The following PCDHA2 variants were observed in gnomAD, a reference collection of about 807,000 sequenced individuals.
PCDHA2 encodes protocadherin alpha 2.
A neutral mutation model predicts 66.0 loss-of-function variants in PCDHA2; 58 were observed. That is an observed-to-expected ratio of 0.88 (90% confidence interval 0.71 to 1.09). PCDHA2 has a LOEUF of 1.09. Ranked by LOEUF, PCDHA2 falls within the 50% of genes least tolerant of loss-of-function variation. The pLI, the probability that PCDHA2 is intolerant of heterozygous loss-of-function variation, is 0.00. For missense variants in PCDHA2, 1,267 were observed against 1,242.3 expected, an observed-to-expected ratio of 1.02 and a Z score of -0.30; for synonymous variants, 634 against 554.0, an observed-to-expected ratio of 1.14 and a Z score of -2.03.
intron 1 of PCDHA2, chr5:140,824,731 A>G (rs1299399063): frequency 6.7e-6 from 1 of 149,944 alleles, no homozygotes; most frequent in African/African-American, 2.5e-5. Context: ...AAGTACTAAG[A>G]TTACAGGATT....
intron 1 of PCDHA2, chr5:140,828,701 G>A (rs1769895865): frequency 1.2e-6 from 2 of 1,614,104 alleles, no homozygotes. Context: ...GGACAGAGAG[G>A]AAGCTCCTGC....
intron 1 of PCDHA2, chr5:140,853,318 A>C (rs2042706802): frequency 1.2e-5 from 12 of 984,648 alleles, no homozygotes; most frequent in Non-Finnish European, 1.5e-5. Context: ...CTTAGTAATA[A>C]ATTTATCTTT....
intron 1 of PCDHA2, chr5:140,857,554 G>A (rs782355772): frequency 1.3e-6 from 2 of 1,596,880 alleles, no homozygotes; most frequent in East Asian, 4.5e-5. Flanking sequence ...GCGAGCGCTC[G>A]CTGTCGAGCT....
chr5:140,824,265 A>T lies in PCDHA2; in HGVS notation c.2388+26913A>T, dbSNP rs2150133778. The T allele has an allele frequency of 3.7e-5, 46 of 1,252,254 alleles. No individual in the cohort carries two copies. In the Admixed American group the frequency reaches 7.8e-4, roughly 21 times the overall value. The allele number at this position is 1,252,254 out of a possible 1,614,324, so 77.6% of individuals were successfully genotyped here. On this transcript the variant is annotated intron_variant, in intron 1 of 3. Transcript: ENST00000526136. ...TGGTACACAATTATTGCACTAATTC[A>T]TGTATTATATGCTTTTTATGAGGCT... is the stretch of plus-strand genomic sequence containing the variant.
At chr5:140,825,406 A>G (rs1554130225) in intron 1 of PCDHA2, 1 of 146,270 alleles carries the variant, frequency 6.8e-6, no homozygotes, top group African/African-American at 2.5e-5. Context: ...TATATTATAT[A>G]TTTTATATAA....
intron 1 of PCDHA2, among the ~76,000 whole-genome samples, chr5:140,938,314 T>C (rs1026606524): frequency 2.0e-5 from 3 of 152,220 alleles, no homozygotes; most frequent in Non-Finnish European, 2.9e-5. Flanking sequence ...AGTATAAAAT[T>C]GAATAGAAGT....
intron 1 of PCDHA2, chr5:140,928,175 G>A (rs782432136): frequency 6.8e-6 from 11 of 1,614,032 alleles, no homozygotes; most frequent in African/African-American, 1.3e-5. Flanking sequence ...CTTAGCACCC[G>A]AAGGACAATC....
In PCDHA2 at chr5:140,795,291, C is replaced by G. The variant is rs1554119350; in HGVS notation, c.327C>G (p.Ile109Met). The change falls in exon 1 of 4, where the codon ATC (isoleucine) becomes ATG (methionine). Residue 109 changes from isoleucine (I) to methionine (M), a missense_variant. Coordinates refer to ENST00000526136, the MANE Select transcript of PCDHA2 (RefSeq NM_018905.3). ...SAECSIHVEV[I>M]VDRPLQVFHV... ...AATGTAGCATCCACGTGGAGGTGATCGTGGACAGGCCGCTGCAGGTTTTCC... is the reference window on the plus strand; with the variant it reads ...AATGTAGCATCCACGTGGAGGTGATGGTGGACAGGCCGCTGCAGGTTTTCC... The G allele has an allele frequency of 6.2e-7, 1 of 1,614,092 alleles. No homozygotes were observed. Among genetic ancestry groups the G allele is most frequent in the Non-Finnish European group, 8.5e-7 (1 of 1,180,042 alleles).
intron 1 of PCDHA2, chr5:140,853,974 A>G: frequency 1.7e-6 from 1 of 605,490 alleles, no homozygotes; most frequent in Non-Finnish European, 2.1e-6. Flanking sequence ...GCAGTTTGAG[A>G]CCAATGTAGT....
intron 1 of PCDHA2, chr5:140,858,024 C>G: frequency 6.3e-7 from 1 of 1,596,700 alleles, no homozygotes; most frequent in Non-Finnish European, 8.6e-7. Context: ...CCGTCGCTGA[C>G]GGCCACGGCC....
rs530482397 is a variant in PCDHA2, at chr5:140,923,460, T to C, written c.2389-55489T>C. ...GGAGGATCACCTGAGCCCAGAGAGG[T>C]AGGGGCTGCAGTGAGCCATCTTCAC... On this transcript the variant is annotated intron_variant, in intron 1 of 3. Coordinates refer to ENST00000526136, the MANE Select transcript of PCDHA2 (RefSeq NM_018905.3). Among the ~76,000 whole-genome samples, 704 of 151,994 alleles carry C rather than the reference T, an allele frequency of 4.6e-3. 3 individuals carry two copies. Among genetic ancestry groups the C allele is most frequent in the African/African-American group, 0.016 (681 of 41,446 alleles).
chr5:140,869,587 A>G (rs1581901588), intron 1 of PCDHA2: 1 of 1,614,158 alleles, frequency 6.2e-7, no homozygotes, highest in African/African-American at 1.3e-5. Flanking sequence ...TGATGCTGAC[A>G]TTGAAGAGAA....
chr5:140,971,922 G>A (rs1433994919), intron 1 of PCDHA2, among the ~76,000 whole-genome samples: 1 of 152,120 alleles, frequency 6.6e-6, no homozygotes, highest in Admixed American at 6.5e-5. Context: ...CACACTGCTA[G>A]TGTTATTTTA....
chr5:140,977,340 G>T (rs2096757114), intron 1 of PCDHA2, among the ~76,000 whole-genome samples: 1 of 152,198 alleles, frequency 6.6e-6, no homozygotes, highest in African/African-American at 2.4e-5. Context: ...GAGAGACGGT[G>T]ATGATGACTG....
At chr5:140,994,704 C>CA (rs1294993555) in intron 3 of PCDHA2, among the ~76,000 whole-genome samples, 3 of 150,616 alleles carry the variant, frequency 2.0e-5, no homozygotes, top group African/African-American at 4.9e-5. Flanking sequence ...GACCCTGTCT[C>CA]AAAAAAAAAT....
chr5:140,830,576 T>G, intron 1 of PCDHA2: 3 of 821,498 alleles, frequency 3.7e-6, no homozygotes, highest in Non-Finnish European at 5.1e-6. Flanking sequence ...TGTTTTTAAT[T>G]TTTAATTAAT....
At chr5:140,881,382 C>A in intron 1 of PCDHA2, 1 of 984,112 alleles carries the variant, frequency 1.0e-6, no homozygotes, top group Non-Finnish European at 1.2e-6. Context: ...CAGCCGGCGG[C>A]GGTAAGTTAA....
rs1158226302 is a variant in PCDHA2, at chr5:140,856,812, T to C, written c.2388+59460T>C. 1.9e-6 allele frequency: 3 copies of C among 1,594,276 alleles called. 1 individual carries two copies. Among genetic ancestry groups the C allele is most frequent in the Non-Finnish European group, 2.6e-6 (3 of 1,164,510 alleles). ...GAAGTTAAGATGTATGAAAATCAAG[T>C]GAACCAAACATTAGTAATACGGCTC... On this transcript the variant is annotated intron_variant, in intron 1 of 3. Coordinates refer to ENST00000526136, the MANE Select transcript of PCDHA2 (RefSeq NM_018905.3).
intron 3 of PCDHA2, among the ~76,000 whole-genome samples, chr5:141,000,691 G>A (rs1177204689): frequency 3.3e-5 from 5 of 151,460 alleles, no homozygotes; most frequent in African/African-American, 1.2e-4. Flanking sequence ...GCCTCCCAAA[G>A]TGCTGGGATT....
Sources: gnomAD v4.1 joint callset for allele counts (sites outside exome capture counted in the v4.1 genomes callset) on GRCh38, gnomAD v4.1.1 for gene constraint, MANE v1.5 for transcripts, NCBI Gene and HGNC (gene_info 2026-07-23, HGNC 2026-07-21) for gene names.